The following GINS1 variants were observed in gnomAD, a reference collection of about 807,000 sequenced individuals.
GINS1 encodes the protein GINS complex subunit 1, also known as DNA replication complex GINS protein PSF1.
In GINS1, 26 loss-of-function variants were observed where a neutral mutation model predicts 34.9. The ratio of observed to expected loss-of-function variants is 0.74; its 90% CI spans 0.55 to 1.03. The LOEUF is 1.03. GINS1 is among the 50% of genes least tolerant of loss of function. The pLI is 0.00. For synonymous variants in GINS1, 97 were observed against 84.4 expected, an observed-to-expected ratio of 1.15 and a Z score of -0.82; for missense variants, 235 against 237.9, an observed-to-expected ratio of 0.99 and a Z score of 0.08.
rs1054501573 is a variant in GINS1, at chr20:25,446,825, C to T, written c.*834C>T. On this transcript the variant is annotated 3_prime_UTR_variant, in exon 7 of 7. Transcript: ENST00000262460. ...AAAAGTCACATGAAGAGTTGATTGTCTTTTAATGGTATGTTTTAAACAGCT... is the reference window on the plus strand; with the variant it reads ...AAAAGTCACATGAAGAGTTGATTGTTTTTTAATGGTATGTTTTAAACAGCT... 2.0e-5 allele frequency: 3 copies of T among 152,128 alleles called. No homozygotes were observed. Among genetic ancestry groups the T allele is most frequent in the Non-Finnish European group, 1.5e-5 (1 of 68,024 alleles). 9.4% of individuals were successfully genotyped at this position (152,128 alleles called of 1,614,324 possible). A position where few individuals can be genotyped will look rare whatever the true frequency, so the allele number is the denominator to read the frequency against.
chr20:25,430,645 C>G (rs968229269), intron 5 of GINS1, among the ~76,000 whole-genome samples: 1 of 152,234 alleles, frequency 6.6e-6, no homozygotes, highest in Non-Finnish European at 1.5e-5. Context: ...ATTCTCCTGC[C>G]TCAGCCTCCC....
intron 5 of GINS1, among the ~76,000 whole-genome samples, chr20:25,436,043 C>A (rs1219390017): frequency 6.6e-6 from 1 of 150,430 alleles, no homozygotes; most frequent in South Asian, 2.1e-4. Flanking sequence ...AGGATGGTCT[C>A]GATCTCCTGA....
chr20:25,445,700 C>T (rs2090508387), intron 6 of GINS1, among the ~76,000 whole-genome samples: 1 of 152,094 alleles, frequency 6.6e-6, no homozygotes, highest in Non-Finnish European at 1.5e-5. Context: ...TTAGGCTGGT[C>T]TTGAACCCCC....
At chr20:25,432,479 T>TC in intron 5 of GINS1, among the ~76,000 whole-genome samples, 1 of 151,872 alleles carries the variant, frequency 6.6e-6, no homozygotes, top group Non-Finnish European at 1.5e-5. Flanking sequence ...ATTTTCTTCT[T>TC]TTTTTTAGAC....
intron 6 of GINS1, among the ~76,000 whole-genome samples, chr20:25,442,756 G>A (rs2146225154): frequency 6.6e-6 from 1 of 151,684 alleles, no homozygotes; most frequent in East Asian, 1.9e-4. Flanking sequence ...ACAGGCACAC[G>A]CCACTACACC....
At chr20:25,421,813 G>C (rs996544080) in intron 4 of GINS1, among the ~76,000 whole-genome samples, 12 of 152,106 alleles carry the variant, frequency 7.9e-5, no homozygotes, top group African/African-American at 2.9e-4. Flanking sequence ...AACAGCTTCT[G>C]ATTTTTCTTC....
chr20:25,421,680 A>G (rs917943498), intron 4 of GINS1, among the ~76,000 whole-genome samples: 5 of 152,316 alleles, frequency 3.3e-5, no homozygotes, highest in Non-Finnish European at 7.4e-5. Context: ...ATATTTTTCC[A>G]TAAGGAAAAC....
At chr20:25,420,235 G>A (rs2090346688) in intron 4 of GINS1, among the ~76,000 whole-genome samples, 1 of 152,062 alleles carries the variant, frequency 6.6e-6, no homozygotes, top group South Asian at 2.1e-4. Flanking sequence ...CCGGGTTCAA[G>A]CGATTCTCCT....
chr20:25,427,451 GCCTCCCAAAGGCAT>G (rs1472764501), intron 5 of GINS1, among the ~76,000 whole-genome samples: 2 of 152,126 alleles, frequency 1.3e-5, no homozygotes, highest in East Asian at 3.9e-4. Flanking sequence ...TCCCGCCTCA[GCCTCCCAAAGGCAT>G]GAGTCACCAT....
intron 4 of GINS1, among the ~76,000 whole-genome samples, chr20:25,420,624 A>T (rs768415165): frequency 1.3e-5 from 2 of 151,956 alleles, no homozygotes; most frequent in Non-Finnish European, 2.9e-5. Flanking sequence ...TACTAAAAAT[A>T]CAAAGATTAG....
chr20:25,415,242 G>A (rs2184000), intron 2 of GINS1, among the ~76,000 whole-genome samples: 82,232 of 152,062 alleles, frequency 0.54, 22,819 homozygotes, highest in Admixed American at 0.61. Flanking sequence ...GACTGAGGAA[G>A]TGAACCTCAA....
intron 4 of GINS1, among the ~76,000 whole-genome samples, chr20:25,420,529 C>G (rs1220416473): frequency 6.6e-6 from 1 of 152,130 alleles, no homozygotes; most frequent in African/African-American, 2.4e-5. Context: ...TACTGCAAAA[C>G]TGGCAAATGA....
At chr20:25,412,316 G>T (rs1040434706) in intron 1 of GINS1, among the ~76,000 whole-genome samples, 1 of 152,138 alleles carries the variant, frequency 6.6e-6, no homozygotes, top group Non-Finnish European at 1.5e-5. Context: ...CACTTTGGGA[G>T]GCTGAGGCGG....
intron 4 of GINS1, among the ~76,000 whole-genome samples, chr20:25,422,944 T>G (rs943875660): frequency 6.6e-6 from 1 of 151,436 alleles, no homozygotes; most frequent in African/African-American, 2.4e-5. Flanking sequence ...GCCTGGCTAA[T>G]TTTTTGTATT....
At chr20:25,419,772 C>T (rs1455560219) in intron 4 of GINS1, 9 of 220,078 alleles carry the variant, frequency 4.1e-5, no homozygotes, top group Non-Finnish European at 7.6e-5. Flanking sequence ...AAGCAATTCT[C>T]CTGCCTCAGC....
At chr20:25,416,843 T>G (rs2090323742) in intron 2 of GINS1, among the ~76,000 whole-genome samples, 1 of 152,198 alleles carries the variant, frequency 6.6e-6, no homozygotes, top group Non-Finnish European at 1.5e-5. Context: ...GAATAGAGAT[T>G]AATCAGTGTG....
chr20:25,442,334 ATCTATCTG>A (rs1435886437), intron 6 of GINS1, among the ~76,000 whole-genome samples: 165 of 135,514 alleles, frequency 1.2e-3, no homozygotes, highest in African/African-American at 3.2e-3. Context: ...CCATCTATCT[ATCTATCTG>A]TCTGTCTGTC....
intron 4 of GINS1, among the ~76,000 whole-genome samples, chr20:25,421,795 A>G (rs2090356903): frequency 6.6e-6 from 1 of 152,140 alleles, no homozygotes; most frequent in South Asian, 2.1e-4. Context: ...TAACACCCTC[A>G]TTGTCAAAAC....
intron 5 of GINS1, among the ~76,000 whole-genome samples, chr20:25,434,620 C>T (rs116303036): frequency 0.013 from 1,921 of 152,142 alleles, 42 homozygotes; most frequent in African/African-American, 0.041. Flanking sequence ...CTAATGTTTA[C>T]ATTTTTTGTA....
Sources: allele counts gnomAD v4.1 joint callset (sites outside exome capture counted in the v4.1 genomes callset), GRCh38; gene constraint gnomAD v4.1.1; transcripts MANE v1.5; gene names NCBI Gene and HGNC (gene_info 2026-07-23, HGNC 2026-07-21).